The following KSR1 variants were observed in gnomAD, a reference collection of about 807,000 sequenced individuals.
KSR1 encodes the protein kinase suppressor of ras.
In KSR1, 35 loss-of-function variants were observed where a neutral mutation model predicts 92.9. That is an observed-to-expected ratio of 0.38 (90% CI 0.29 to 0.50). KSR1 has a LOEUF of 0.50. Among genes scored for constraint, KSR1 ranks in the 20% least tolerant of loss-of-function variants. The pLI is 0.94. For missense variants in KSR1, 972 were observed against 1,158.5 expected, an observed-to-expected ratio of 0.84 and a Z score of 2.34; for synonymous variants, 467 against 472.6, an observed-to-expected ratio of 0.99 and a Z score of 0.15.
chr17:27,565,633 C>T (rs1327773288), intron 2 of KSR1, among the ~76,000 whole-genome samples: 5 of 152,148 alleles, frequency 3.3e-5, no homozygotes, highest in Non-Finnish European at 7.3e-5. Flanking sequence ...CCATGTTGCC[C>T]AGGCTGGTCT....
intron 3 of KSR1, among the ~76,000 whole-genome samples, chr17:27,582,264 T>C (rs1429956080): frequency 6.6e-6 from 1 of 152,214 alleles, no homozygotes; most frequent in Non-Finnish European, 1.5e-5. Context: ...TGGGTTTTTT[T>C]AGATTTTGGA....
chr17:27,585,152 G>A (rs768287464), intron 4 of KSR1, among the ~76,000 whole-genome samples: 3 of 152,136 alleles, frequency 2.0e-5, no homozygotes, highest in Non-Finnish European at 4.4e-5. Flanking sequence ...GGCCAGGCTG[G>A]TCTTGAATTC....
intron 1 of KSR1, among the ~76,000 whole-genome samples, chr17:27,463,421 G>T (rs1381421344): frequency 1.3e-5 from 2 of 151,288 alleles, no homozygotes; most frequent in African/African-American, 4.9e-5. Flanking sequence ...GGTGGAGGTT[G>T]CAGTGACCTG....
At chr17:27,566,315 C>G in intron 2 of KSR1, 1 of 395,796 alleles carries the variant, frequency 2.5e-6, no homozygotes. Context: ...CTCCCCAGCT[C>G]CCAGGCACAA....
intron 1 of KSR1, among the ~76,000 whole-genome samples, chr17:27,515,828 A>C (rs1429923825): frequency 6.6e-6 from 1 of 152,052 alleles, no homozygotes; most frequent in Admixed American, 6.6e-5. Flanking sequence ...TAGGTTAGGT[A>C]GGGCTTTCAT....
intron 19 of KSR1, among the ~76,000 whole-genome samples, chr17:27,620,417 G>A (rs946450758): frequency 6.6e-5 from 10 of 152,196 alleles, no homozygotes; most frequent in African/African-American, 1.9e-4. Flanking sequence ...GCACACATCA[G>A]GACTCTTTCT....
chr17:27,490,081 G>C (rs2068776903), intron 1 of KSR1, among the ~76,000 whole-genome samples: 1 of 152,214 alleles, frequency 6.6e-6, no homozygotes, highest in Non-Finnish European at 1.5e-5. Context: ...TGTGGACTCT[G>C]GGATGGATTG....
chr17:27,534,030 C>G (rs2070659100), intron 1 of KSR1, among the ~76,000 whole-genome samples: 2 of 152,358 alleles, frequency 1.3e-5, no homozygotes, highest in South Asian at 4.1e-4. Context: ...CCCCTTGCAG[C>G]CTGGGGGCCA....
chr17:27,547,230 G>A (rs1001196983), intron 1 of KSR1, among the ~76,000 whole-genome samples: 9 of 152,202 alleles, frequency 5.9e-5, no homozygotes, highest in African/African-American at 1.2e-4. Flanking sequence ...TTTCAAAAAC[G>A]CTGATGTGGT....
intron 1 of KSR1, chr17:27,526,518 A>T: frequency 6.2e-7 from 1 of 1,604,296 alleles, no homozygotes; most frequent in Non-Finnish European, 8.5e-7. Context: ...CTCCTCTGCC[A>T]TCTCACACTC....
intron 3 of KSR1, chr17:27,578,166 C>G (rs1260572287): frequency 5.9e-6 from 1 of 170,602 alleles, no homozygotes; most frequent in Non-Finnish European, 1.3e-5. Flanking sequence ...TATTCACAGG[C>G]TTTCTAAATC....
intron 18 of KSR1, among the ~76,000 whole-genome samples, chr17:27,616,814 G>A (rs1280956333): frequency 6.6e-6 from 1 of 152,232 alleles, no homozygotes; most frequent in Admixed American, 6.5e-5. Flanking sequence ...CGGGACAGCT[G>A]TTCTGCTGAC....
At chr17:27,615,594 G>T in intron 18 of KSR1, among the ~76,000 whole-genome samples, 1 of 152,114 alleles carries the variant, frequency 6.6e-6, no homozygotes, top group East Asian at 1.9e-4. Context: ...TTCCTAAATG[G>T]AATCTGTTAC....
rs189261294 is a variant in KSR1, at chr17:27,542,693, C to G, written c.232-7875C>G. Among the ~76,000 whole-genome samples the G allele has an allele frequency of 2.6e-3, 403 of 152,336 alleles. 3 individuals are homozygous for G. Among genetic ancestry groups the G allele is most frequent in the African/African-American group, 9.1e-3 (378 of 41,584 alleles). On this transcript the variant is annotated intron_variant, in intron 1 of 20. Coordinates refer to ENST00000644974, the MANE Select transcript of KSR1 (RefSeq NM_001394583.1). Reference sequence around the variant, plus strand: ...ACGGCACCTGCCAAAAGTCTTCATGCTCCTCCTTTTCGAGGTCATTCTGCA... The same window carrying G: ...ACGGCACCTGCCAAAAGTCTTCATGGTCCTCCTTTTCGAGGTCATTCTGCA...
intron 1 of KSR1, among the ~76,000 whole-genome samples, chr17:27,547,740 G>A (rs529118825): frequency 1.7e-4 from 26 of 151,976 alleles, no homozygotes; most frequent in Admixed American, 4.6e-4. Context: ...TATTTGAGAC[G>A]ATCACTAAGG....
intron 4 of KSR1, 118 bp downstream of exon 4, chr17:27,583,223 A>G: frequency 1.5e-6 from 1 of 678,460 alleles, no homozygotes; most frequent in Non-Finnish European, 2.4e-6. Context: ...CAAAAGTAAA[A>G]GGTGCCCCCA....
chr17:27,526,058 C>CTCTT (rs1555576342), intron 1 of KSR1, among the ~76,000 whole-genome samples: 2 of 50,962 alleles, frequency 3.9e-5, no homozygotes, highest in African/African-American at 1.7e-4. Context: ...CTCTCTCTCT[C>CTCTT]TCTCTTTCTT....
chr17:27,473,087 A>G (rs558133755), intron 1 of KSR1, among the ~76,000 whole-genome samples: 1 of 152,332 alleles, frequency 6.6e-6, no homozygotes, highest in East Asian at 1.9e-4. Flanking sequence ...GGTTTAAGGC[A>G]GCAAGATTCT....
At chr17:27,558,953 G>A (rs1034378258) in intron 2 of KSR1, among the ~76,000 whole-genome samples, 3 of 152,120 alleles carry the variant, frequency 2.0e-5, no homozygotes, top group Non-Finnish European at 4.4e-5. Flanking sequence ...TTTCCCTTAG[G>A]AAAACATACG....
Sources: gnomAD v4.1 joint callset for allele counts (sites outside exome capture counted in the v4.1 genomes callset) on GRCh38, gnomAD v4.1.1 for gene constraint, MANE v1.5 for transcripts, NCBI Gene and HGNC (gene_info 2026-07-23, HGNC 2026-07-21) for gene names.